PDE3A: variants seen among roughly 807,000 people sequenced by gnomAD.
PDE3A encodes the protein phosphodiesterase 3A, also known as cGMP-inhibited 3',5'-cyclic phosphodiesterase 3A.
In PDE3A, 43 loss-of-function variants were observed where a neutral mutation model predicts 98.3. The ratio of observed to expected loss-of-function variants is 0.44; its 90% CI spans 0.34 to 0.56. The LOEUF (loss-of-function observed/expected upper bound fraction) is 0.56. Ranked by LOEUF, PDE3A falls within the 20% of genes least tolerant of loss-of-function variation. The pLI is 0.01. For synonymous variants in PDE3A, 663 were observed against 567.9 expected (o/e 1.17, Z -2.38); for missense variants, 1,427 against 1,440.7 (o/e 0.99, Z 0.15).
chr12:20,460,827 C>T (rs186316623), intron 1 of PDE3A, among the ~76,000 whole-genome samples: 2 of 152,156 alleles, frequency 1.3e-5, no homozygotes, highest in Non-Finnish European at 2.9e-5. Flanking sequence ...CCTGCTCCCC[C>T]CTTTTCATGG....
chr12:20,640,022 G>A (rs180936940), intron 10 of PDE3A, 65 bp downstream of exon 10: 10 of 751,916 alleles, frequency 1.3e-5, no homozygotes, highest in Non-Finnish European at 2.4e-5. Flanking sequence ...GGGTAAATGG[G>A]ATAGTGAATC....
intron 1 of PDE3A, chr12:20,371,269 G>T (rs1214127113): frequency 1.5e-6 from 1 of 660,934 alleles, no homozygotes; most frequent in Non-Finnish European, 1.9e-6. Flanking sequence ...AATGCATACG[G>T]TGTCTAAAAA....
Position 20,569,470 on chromosome 12 carries a change from T to C in PDE3A, c.1011+12760T>C, listed in dbSNP as rs563404796. 8.5e-5 allele frequency among the ~76,000 whole-genome samples: 13 copies of C among 152,276 alleles called. No individual in the cohort carries two copies. In the East Asian group the frequency reaches 2.3e-3, roughly 27 times the overall value. On this transcript the variant is annotated intron_variant, in intron 2 of 15. Coordinates refer to ENST00000359062, the MANE Select transcript of PDE3A (RefSeq NM_000921.5). ...CATAACCTTGTAAGGAGTGTCCTGTTCGCAGCAGAATAGTTTTTGCAGAAC... is the reference window on the plus strand; with the variant it reads ...CATAACCTTGTAAGGAGTGTCCTGTCCGCAGCAGAATAGTTTTTGCAGAAC...
chr12:20,374,529 A>G (rs1163014548), intron 1 of PDE3A, among the ~76,000 whole-genome samples: 1 of 152,028 alleles, frequency 6.6e-6, no homozygotes, highest in East Asian at 1.9e-4. Context: ...GGTGAGTGAC[A>G]CTGGCATGAA....
intron 1 of PDE3A, among the ~76,000 whole-genome samples, chr12:20,500,768 CTTTTTT>C (rs61218707): frequency 7.5e-6 from 1 of 133,366 alleles, no homozygotes. Flanking sequence ...TTCTTTCTTT[CTTTTTT>C]TTTTTTTTTT....
intron 1 of PDE3A, among the ~76,000 whole-genome samples, chr12:20,525,294 T>C (rs557542720): frequency 2.0e-4 from 31 of 152,338 alleles, no homozygotes; most frequent in Non-Finnish European, 4.0e-4. Flanking sequence ...AAATATGTTG[T>C]GTAGTCATCA....
At chr12:20,395,804 C>T (rs1052181760) in intron 1 of PDE3A, among the ~76,000 whole-genome samples, 22 of 151,198 alleles carry the variant, frequency 1.5e-4, no homozygotes, top group African/African-American at 3.6e-4. Flanking sequence ...AGTAAACTAA[C>T]GTTAAAAATG....
intron 1 of PDE3A, among the ~76,000 whole-genome samples, chr12:20,499,429 C>T (rs1441610829): frequency 6.6e-6 from 1 of 152,024 alleles, no homozygotes; most frequent in Non-Finnish European, 1.5e-5. Flanking sequence ...GAGGTTGTTC[C>T]TTGTATCTGT....
chr12:20,624,917 C>A (rs950299657), intron 5 of PDE3A, among the ~76,000 whole-genome samples: 3 of 152,118 alleles, frequency 2.0e-5, no homozygotes, highest in African/African-American at 7.2e-5. Context: ...CTGGGAAGAG[C>A]CCCCTCGTGG....
At chr12:20,515,793 C>CGGGA (rs1438127112) in intron 1 of PDE3A, among the ~76,000 whole-genome samples, 14 of 150,170 alleles carry the variant, frequency 9.3e-5, no homozygotes, top group South Asian at 2.1e-4. Context: ...AGTGCAGTGG[C>CGGGA]GGGATCTCGG....
intron 1 of PDE3A, among the ~76,000 whole-genome samples, chr12:20,399,926 C>CA (rs1476969450): frequency 1.3e-5 from 2 of 152,138 alleles, no homozygotes; most frequent in Non-Finnish European, 2.9e-5. Context: ...CTAATCATTC[C>CA]AAATGAGGCA....
intron 1 of PDE3A, among the ~76,000 whole-genome samples, chr12:20,496,509 C>T (rs1945921249): frequency 6.6e-6 from 1 of 152,000 alleles, no homozygotes; most frequent in African/African-American, 2.4e-5. Context: ...CCTGGGTACT[C>T]CACATCCCAC....
chr12:20,573,738 A>C (rs370730611), intron 2 of PDE3A, among the ~76,000 whole-genome samples: 3 of 152,118 alleles, frequency 2.0e-5, no homozygotes, highest in East Asian at 3.8e-4. Context: ...ATTTAAAATA[A>C]ATTCATTTTT....
rs879344048 is a variant in PDE3A at position 20,368,996 on chromosome 12, A to G, written c.-289A>G. On this transcript the variant is annotated 5_prime_UTR_variant, in exon 1 of 16. Coordinates refer to ENST00000359062, the MANE Select transcript of PDE3A (RefSeq NM_000921.5). ...CAGAGAATCTGTGAAAGATATTCAA[A>G]GAGAGAAAAGGGGAATCCTGATCGT... is the stretch of plus-strand genomic sequence containing the variant. Among the ~76,000 whole-genome samples, 2 of 152,200 alleles carry G rather than the reference A, an allele frequency of 1.3e-5. No individual in the cohort carries two copies. Among genetic ancestry groups the G allele is most frequent in the Admixed American group, 6.5e-5 (1 of 15,284 alleles).
intron 1 of PDE3A, among the ~76,000 whole-genome samples, chr12:20,518,575 A>AT (rs1269968889): frequency 6.8e-6 from 1 of 146,684 alleles, no homozygotes; most frequent in Non-Finnish European, 1.5e-5. Flanking sequence ...TTAAAAAAAA[A>AT]GCCTTCCTAG....
chr12:20,579,571 G>A (rs1033840957), intron 2 of PDE3A, among the ~76,000 whole-genome samples: 3 of 152,038 alleles, frequency 2.0e-5, no homozygotes, highest in African/African-American at 7.2e-5. Flanking sequence ...AAATATTGCA[G>A]ACAGCAGTGT....
rs995981597 is a variant in PDE3A, at chr12:20,464,451, G to A, written c.961-92209G>A. On this transcript the variant is annotated intron_variant, in intron 1 of 15. Coordinates refer to ENST00000359062, the MANE Select transcript of PDE3A (RefSeq NM_000921.5). ...TATCAATAACTTTGATATTGAGTAA[G>A]TTGTTTTTTCCCATTGCTTGGCTAA... Among the ~76,000 whole-genome samples, 19 of 152,238 alleles carry A rather than the reference G, an allele frequency of 1.2e-4. No homozygotes were observed. In the Middle Eastern group the frequency reaches 0.01, roughly 82 times the overall value.
intron 2 of PDE3A, among the ~76,000 whole-genome samples, chr12:20,567,114 G>A (rs1202444920): frequency 6.6e-6 from 1 of 151,870 alleles, no homozygotes; most frequent in Non-Finnish European, 1.5e-5. Context: ...TAGTGAATTT[G>A]CAGCAGCCAG....
intron 1 of PDE3A, among the ~76,000 whole-genome samples, chr12:20,445,886 C>CT (rs1373950316): frequency 6.6e-6 from 1 of 152,022 alleles, no homozygotes; most frequent in Non-Finnish European, 1.5e-5. Context: ...GGTCACAAAG[C>CT]TTTTAAAAAA....
Sources: gnomAD v4.1 joint callset for allele counts (sites outside exome capture counted in the v4.1 genomes callset) on GRCh38, gnomAD v4.1.1 for gene constraint, MANE v1.5 for transcripts, NCBI Gene and HGNC (gene_info 2026-07-23, HGNC 2026-07-21) for gene names.